PCYT1A: variants seen among roughly 807,000 people sequenced by gnomAD.
The protein encoded by PCYT1A is choline-phosphate cytidylyltransferase A.
PCYT1A carries 25 observed loss-of-function variants against 43.7 expected under a neutral mutation model. The ratio of observed to expected loss-of-function variants is 0.57; its 90% CI spans 0.42 to 0.80. The LOEUF (loss-of-function observed/expected upper bound fraction) is 0.80. Ranked by LOEUF, PCYT1A falls within the 30% of genes least tolerant of loss-of-function variation. The pLI is 0.00. For missense variants in PCYT1A, 421 were observed against 474.2 expected, an observed-to-expected ratio of 0.89 and a Z score of 1.04; for synonymous variants, 172 against 170.7, an observed-to-expected ratio of 1.01 and a Z score of -0.06.
intron 1 of PCYT1A, among the ~76,000 whole-genome samples, chr3:196,281,575 C>T (rs552511579): frequency 6.6e-6 from 1 of 152,286 alleles, no homozygotes; most frequent in African/African-American, 2.4e-5. Context: ...GTCACAGATA[C>T]TGTGTGACCT....
chr3:196,275,310 T>C (rs1223096151), intron 1 of PCYT1A, among the ~76,000 whole-genome samples: 3 of 152,152 alleles, frequency 2.0e-5, no homozygotes, highest in Admixed American at 2.0e-4. Context: ...ATACCACAAA[T>C]GACCTCACTT....
chr3:196,248,165 C>A (rs1724628540), intron 4 of PCYT1A, 42 bp downstream of exon 4: 1 of 1,093,916 alleles, frequency 9.1e-7, no homozygotes. Context: ...GTACTATCAT[C>A]TTTTTCTGCA....
chr3:196,248,073 A>C (rs1724625637), intron 4 of PCYT1A, 134 bp downstream of exon 4: 1 of 669,992 alleles, frequency 1.5e-6, no homozygotes, highest in Non-Finnish European at 2.7e-6. Flanking sequence ...CATATACTTC[A>C]TGTGTGTTAG....
At position 196,240,161 on chromosome 3, in the gene PCYT1A, G is replaced by C. The variant is rs150295531; in HGVS notation, c.709-426C>G. ...CAATAGATTGAAAGAGAAAATACTA[G>C]ATCTTTTACTTAATTAATCTGCTTA... On this transcript the variant is annotated intron_variant, in intron 7 of 8. Coordinates refer to ENST00000431016, the MANE Select transcript of PCYT1A (RefSeq NM_001312673.2). Among the ~76,000 whole-genome samples, 115 of 152,208 alleles carry C rather than the reference G, an allele frequency of 7.6e-4. 1 individual carries two copies. The highest frequency in any genetic ancestry group is 2.7e-3 in the African/African-American group (111 of 41,522).
In PCYT1A at chr3:196,235,321, A is replaced by T. The variant is rs1298125491; in HGVS notation, c.*3367T>A. Reference sequence around the variant, plus strand: ...CATCACTCAGGTACAGCCTCCAAAAACACCACCATCACTCAGGTGCAGCCT... The same window carrying T: ...CATCACTCAGGTACAGCCTCCAAAATCACCACCATCACTCAGGTGCAGCCT... On this transcript the variant is annotated 3_prime_UTR_variant, in exon 9 of 9. Transcript: ENST00000431016. This position sits in a 1 kb window ranked among gnomAD's most constrained non-coding sequence, Gnocchi z 4.3. 6.6e-6 allele frequency: 1 copy of T among 152,054 alleles called. No individual in the cohort carries two copies. The highest frequency in any genetic ancestry group is 2.4e-5 in the African/African-American group (1 of 41,406). 9.4% of individuals were successfully genotyped at this position (152,054 alleles called of 1,614,324 possible).
intron 5 of PCYT1A, among the ~76,000 whole-genome samples, chr3:196,243,761 C>A (rs1288067947): frequency 6.6e-6 from 1 of 152,272 alleles, no homozygotes; most frequent in Non-Finnish European, 1.5e-5. Flanking sequence ...GTCTCCAGCT[C>A]CTAACCGCGA....
intron 2 of PCYT1A, among the ~76,000 whole-genome samples, chr3:196,266,612 G>A (rs912647558): frequency 2.0e-5 from 3 of 151,254 alleles, no homozygotes; most frequent in South Asian, 2.1e-4. Context: ...AGTACTGGCC[G>A]GACGTGGTGG....
intron 7 of PCYT1A, 39 bp downstream of exon 7, chr3:196,241,909 T>C (rs1560161528): frequency 1.2e-6 from 2 of 1,608,032 alleles, no homozygotes; most frequent in African/African-American, 2.7e-5. Flanking sequence ...ATATGTCTCC[T>C]ACAGAGTCAG....
In PCYT1A at chr3:196,238,246, A is replaced by G. The variant is rs1724227631; in HGVS notation, c.*442T>C. ...TCGTGAAGGACTTGGCAAGCCACAT[A>G]GCTTCAGAACGGAAGGCAAATGCTA... On this transcript the variant is annotated 3_prime_UTR_variant, in exon 9 of 9. Coordinates refer to ENST00000431016, the MANE Select transcript of PCYT1A (RefSeq NM_001312673.2). The G allele has an allele frequency of 6.5e-6, 1 of 153,886 alleles. No homozygotes were observed. Among genetic ancestry groups the G allele is most frequent in the South Asian group, 2.1e-4 (1 of 4,854 alleles). The allele number at this position is 153,886 out of a possible 1,614,324, so 9.5% of individuals were successfully genotyped here. A position where few individuals can be genotyped will look rare whatever the true frequency, so the allele number is the denominator to read the frequency against.
rs1212160873 is a variant in PCYT1A at position 196,282,147 on chromosome 3, G to A, written c.-11+5468C>T. On this transcript the variant is annotated intron_variant, in intron 1 of 8. Coordinates refer to ENST00000431016, the MANE Select transcript of PCYT1A (RefSeq NM_001312673.2). The surrounding 1 kb of genome is among the most constrained non-coding windows in gnomAD (Gnocchi z 4.3). ...ATCTCTTCCCTCTAATTTCGTCAGAGAAACCCTTATTCAACAAACACTGAG... is the reference window on the plus strand; with the variant it reads ...ATCTCTTCCCTCTAATTTCGTCAGAAAAACCCTTATTCAACAAACACTGAG... Among the ~76,000 whole-genome samples the A allele has an allele frequency of 6.6e-6, 1 of 152,202 alleles. No individual in the cohort carries two copies.
intron 2 of PCYT1A, among the ~76,000 whole-genome samples, chr3:196,266,906 C>T (rs1051710728): frequency 6.6e-6 from 1 of 151,902 alleles, no homozygotes; most frequent in Non-Finnish European, 1.5e-5. Flanking sequence ...CACGGTGGCT[C>T]ACGCCTATAA....
intron 5 of PCYT1A, among the ~76,000 whole-genome samples, chr3:196,246,937 T>C (rs957625335): frequency 4.0e-5 from 6 of 151,296 alleles, no homozygotes; most frequent in African/African-American, 7.3e-5. Context: ...GTGGTGTAAC[T>C]TGTGGCGAGT....
Position 196,247,358 on chromosome 3 carries a change from G to C in PCYT1A, c.486+9C>G. 1 of 1,613,590 alleles carries C rather than the reference G, an allele frequency of 6.2e-7. No individual in the cohort carries two copies. Among genetic ancestry groups the C allele is most frequent in the Non-Finnish European group, 8.5e-7 (1 of 1,179,968 alleles). On this transcript the variant is annotated intron_variant, in intron 5 of 8. Transcript: ENST00000431016. This position sits in a 1 kb window ranked among gnomAD's most constrained non-coding sequence, Gnocchi z 4.8. Reference sequence around the variant, plus strand: ...AACAAGGAATGGGAATATGTGTCCAGTTTCTTACCCGGTGTTCGGCCAGGA... The same window carrying C: ...AACAAGGAATGGGAATATGTGTCCACTTTCTTACCCGGTGTTCGGCCAGGA...
chr3:196,248,358 C>G, intron 3 of PCYT1A, 35 bp from the exon 4 acceptor site: 1 of 1,268,088 alleles, frequency 7.9e-7, no homozygotes, highest in Non-Finnish European at 1.2e-6. Context: ...CACAAAAATA[C>G]CTTTTTTTTT....
chr3:196,267,606 A>T (rs910604531), intron 2 of PCYT1A, among the ~76,000 whole-genome samples: 1 of 152,056 alleles, frequency 6.6e-6, no homozygotes, highest in Non-Finnish European at 1.5e-5. Context: ...ATTCCCAGCT[A>T]CTTGGGAGGC....
chr3:196,270,406 T>G lies in PCYT1A; in HGVS notation c.117+9A>C. On this transcript the variant is annotated intron_variant, in intron 2 of 8. Transcript: ENST00000431016. ...CTACCCTCCCCCTGCCAGGTTAATC[T>G]CCACTTACCACTGCACAGCGCTGCA... The G allele has an allele frequency of 3.2e-6, 5 of 1,578,096 alleles. No homozygotes were observed. The highest frequency in any genetic ancestry group is 4.4e-6 in the Non-Finnish European group (5 of 1,147,630).
chr3:196,270,294 A>T, intron 2 of PCYT1A, 121 bp downstream of exon 2: 1 of 730,562 alleles, frequency 1.4e-6, no homozygotes, highest in Non-Finnish European at 2.4e-6. Flanking sequence ...GCAGATTTCC[A>T]GTGACTGTGA....
intron 3 of PCYT1A, among the ~76,000 whole-genome samples, chr3:196,248,689 C>T (rs1448833616): frequency 6.6e-6 from 1 of 151,642 alleles, no homozygotes; most frequent in South Asian, 2.1e-4. Flanking sequence ...TACATTGATT[C>T]GATATCTTGT....
chr3:196,242,822 A>C lies in PCYT1A; in HGVS notation c.487-182T>G. ...CACAAACCACCCAACCTAATGATTTATGGAGTATACATATGAAGTTAGCCA... is the reference window on the plus strand; with the variant it reads ...CACAAACCACCCAACCTAATGATTTCTGGAGTATACATATGAAGTTAGCCA... On this transcript the variant is annotated intron_variant, in intron 5 of 8. Coordinates refer to ENST00000431016, the MANE Select transcript of PCYT1A (RefSeq NM_001312673.2). The surrounding 1 kb of genome is among the most constrained non-coding windows in gnomAD (Gnocchi z 4.2). 4.9e-6 allele frequency: 3 copies of C among 617,960 alleles called. No individual in the cohort carries two copies. The Admixed American group carries it at 8.6e-5, about 18-fold the overall frequency. The allele number at this position is 617,960 out of a possible 1,614,324, so 38.3% of individuals were successfully genotyped here.
Sources: allele counts gnomAD v4.1 joint callset (sites outside exome capture counted in the v4.1 genomes callset), GRCh38; gene constraint gnomAD v4.1.1; non-coding constraint Gnocchi (gnomAD v3.1); transcripts MANE v1.5; gene names NCBI Gene and HGNC (gene_info 2026-07-23, HGNC 2026-07-21).